Variants in GNAT2 observed in about 807,000 individuals in gnomAD.
The protein encoded by GNAT2 is G protein subunit alpha transducin 2, also known as guanine nucleotide-binding protein G(t) subunit alpha-2.
A neutral mutation model predicts 40.9 loss-of-function variants in GNAT2; 32 were observed. That is an observed-to-expected ratio of 0.78 (90% confidence interval 0.59 to 1.05). The LOEUF is 1.05. Among genes scored for constraint, GNAT2 ranks in the 50% least tolerant of loss-of-function variants. The pLI is 0.00. For synonymous variants in GNAT2, 141 were observed against 157.2 expected (o/e 0.90, Z 0.77); for missense variants, 355 against 431.5 (o/e 0.82, Z 1.57).
chr1:109,613,699 G>A (rs1328982410), intron 1 of GNAT2: 1 of 152,348 alleles, frequency 6.6e-6, no homozygotes, highest in Non-Finnish European at 1.5e-5. Context: ...GGATCAAAAG[G>A]TTTGGTGAAT....
intron 7 of GNAT2, 55 bp downstream of exon 7, chr1:109,605,915 A>C (rs977295051): frequency 1.3e-6 from 2 of 1,548,918 alleles, no homozygotes; most frequent in Non-Finnish European, 1.8e-6. Context: ...GCTTAGAGAA[A>C]GGGTCATGGG....
chr1:109,617,658 G>C (rs1166941878), intron 1 of GNAT2: 1 of 152,252 alleles, frequency 6.6e-6, no homozygotes, highest in Non-Finnish European at 1.5e-5. Context: ...AGTGAAGGGT[G>C]TGTTGCAGAT....
At chr1:109,609,718 C>G (rs1649732971) in intron 4 of GNAT2, 1 of 378,836 alleles carries the variant, frequency 2.6e-6, no homozygotes, top group African/African-American at 2.1e-5. Context: ...TGTAGTCAAG[C>G]AGCCCAATGC....
chr1:109,603,265 T>C lies in GNAT2; in HGVS notation c.*89A>G, dbSNP rs746251125. The C allele has an allele frequency of 9.2e-5, 69 of 749,044 alleles. No individual in the cohort carries two copies. The highest frequency in any genetic ancestry group is 1.6e-4 in the Non-Finnish European group (65 of 411,378). 46.4% of individuals were successfully genotyped at this position (749,044 alleles called of 1,614,324 possible). Reference sequence around the variant, plus strand: ...CTCCAAAGAATGGATTCATTCTTCATGTCATGGTATATTGACTATAATTTT... The same window carrying C: ...CTCCAAAGAATGGATTCATTCTTCACGTCATGGTATATTGACTATAATTTT... On this transcript the variant is annotated 3_prime_UTR_variant, in exon 9 of 9. Coordinates refer to ENST00000679935, the MANE Select transcript of GNAT2 (RefSeq NM_001377295.2).
At chr1:109,618,738 T>C (rs374615238) in intron 1 of GNAT2, among the ~76,000 whole-genome samples, 1 of 152,218 alleles carries the variant, frequency 6.6e-6, no homozygotes, top group Admixed American at 6.5e-5. Flanking sequence ...TGTTCTCTTT[T>C]TAGTTTTATG....
At chr1:109,615,654 T>C (rs923998958) in intron 1 of GNAT2, 3 of 103,156 alleles carry the variant, frequency 2.9e-5, no homozygotes, top group Non-Finnish European at 4.3e-5. Context: ...AAGCCCAGCA[T>C]GGTGGCATGC....
intron 1 of GNAT2, chr1:109,613,328 T>G (rs1349907674): frequency 2.8e-5 from 7 of 247,924 alleles, no homozygotes; most frequent in South Asian, 2.0e-4. Context: ...CTGGCACATA[T>G]GTAGAAAGCA....
At chr1:109,607,432 C>CA (rs1410104507) in intron 5 of GNAT2, 1 of 140,870 alleles carries the variant, frequency 7.1e-6, no homozygotes, top group Non-Finnish European at 1.5e-5. Context: ...GCCTGGGTGA[C>CA]AAAGCGAGAC....
intron 4 of GNAT2, 191 bp downstream of exon 4, chr1:109,609,848 TA>T (rs774653989): frequency 3.4e-5 from 22 of 649,472 alleles, no homozygotes; most frequent in Non-Finnish European, 5.6e-5. Flanking sequence ...CTTAAGGTCT[TA>T]CTGCGTAGAT....
At chr1:109,606,652 G>T in intron 5 of GNAT2, 1 of 527,764 alleles carries the variant, frequency 1.9e-6, no homozygotes, top group Non-Finnish European at 3.4e-6. Context: ...TTTGAGGCTG[G>T]AGTTCCAGCG....
intron 6 of GNAT2, 99 bp from the exon 7 acceptor site, chr1:109,606,198 G>A (rs1649588312): frequency 1.9e-6 from 3 of 1,569,152 alleles, no homozygotes; most frequent in Non-Finnish European, 2.6e-6. Context: ...AGGGGGAGAA[G>A]CAGAACAGTA....
At chr1:109,611,712 T>C (rs1451305768) in intron 2 of GNAT2, 5 of 152,162 alleles carry the variant, frequency 3.3e-5, no homozygotes, top group African/African-American at 9.7e-5. Context: ...ATCCTGAATG[T>C]AGAAGAAATC....
Position 109,606,232 on chromosome 1 carries a change from G to A in GNAT2, c.590+76C>T, listed in dbSNP as rs1488320322. 9 of 1,572,538 alleles carry A rather than the reference G, an allele frequency of 5.7e-6. No homozygotes were observed. In the East Asian group the frequency reaches 1.8e-4, roughly 31 times the overall value. The stretch of plus-strand genomic sequence containing the variant: ...TAATTTAGATTAGGCTTCACCAAAG[G>A]CCAAGAAGCCTGCCTGTGCCCCTTT... On this transcript the variant is annotated intron_variant, in intron 6 of 8. Transcript: ENST00000679935.
chr1:109,612,944 A>G, intron 1 of GNAT2, 21 bp from the exon 2 acceptor site: 2 of 1,046,392 alleles, frequency 1.9e-6, no homozygotes, highest in South Asian at 1.3e-5. Flanking sequence ...GATGGAAGAG[A>G]AGGAAAAAAG....
In GNAT2 at chr1:109,604,304, C is replaced by A. The variant is rs1649528332; in HGVS notation, c.721-200G>T. On this transcript the variant is annotated intron_variant, in intron 7 of 8. Coordinates refer to ENST00000679935, the MANE Select transcript of GNAT2 (RefSeq NM_001377295.2). ...CCCTATCTTTCTAATAGCTGTGTGA[C>A]TTGTGGAAAATTATTGAGCTTTTTC... The A allele has an allele frequency of 5.1e-6, 3 of 592,500 alleles. No homozygotes were observed. The Admixed American group carries it at 8.6e-5, about 17-fold the overall frequency. 36.7% of individuals were successfully genotyped at this position (592,500 alleles called of 1,614,324 possible).
rs1557918911 is a variant in GNAT2, at chr1:109,606,394, G to GA, written c.503dup (p.Ser170Ter). 1 of 1,611,164 alleles carries GA rather than the reference G, an allele frequency of 6.2e-7. No homozygotes were observed. Among genetic ancestry groups the GA allele is most frequent in the Non-Finnish European group, 8.5e-7 (1 of 1,177,314 alleles). ...ATCGGAGCACATCTTGCTCACTAGGGAGGTACTCAGGGTCTGTAATTCGTT... is the reference window on the plus strand; with the variant it reads ...ATCGGAGCACATCTTGCTCACTAGGGAAGGTACTCAGGGTCTGTAATTCGTT... On this transcript the variant is annotated frameshift_variant, in exon 6 of 9. Transcript: ENST00000679935. LOFTEE classifies it high-confidence loss of function.
chr1:109,608,509 G>T (rs1434247156), intron 5 of GNAT2, 122 bp downstream of exon 5: 21 of 876,090 alleles, frequency 2.4e-5, no homozygotes, highest in Non-Finnish European at 4.1e-5. Flanking sequence ...GCTGAATTCA[G>T]TCTGGGTCTC....
At position 109,606,352 on chromosome 1, in the gene GNAT2, C is replaced by A. The variant is rs1799875; in HGVS notation, c.546G>T (p.Thr182=). 6.2e-7 allele frequency: 1 copy of A among 1,612,014 alleles called. No homozygotes were observed. The highest frequency in any genetic ancestry group is 8.5e-7 in the Non-Finnish European group (1 of 1,178,272). The change falls in exon 6 of 9, where the codon ACG becomes ACT. Residue 182 remains threonine, a synonymous_variant. Transcript: ENST00000679935. ...CGGAAAACTTGGTTTCAATGATGCCCGTGGTTTTGACTCTGGATCGGAGCA... is the reference window on the plus strand; with the variant it reads ...CGGAAAACTTGGTTTCAATGATGCCAGTGGTTTTGACTCTGGATCGGAGCA... ...QDVLRSRVKT[T]GIIETKFSVK...
At chr1:109,610,751 G>T (rs1649769282) in intron 2 of GNAT2, 2 of 584,152 alleles carry the variant, frequency 3.4e-6, no homozygotes, top group African/African-American at 3.7e-5. Context: ...AGGATGTTCA[G>T]CAGCATTCCT....
Sources: gnomAD v4.1 joint callset for allele counts (sites outside exome capture counted in the v4.1 genomes callset) on GRCh38, gnomAD v4.1.1 for gene constraint, MANE v1.5 for transcripts, NCBI Gene and HGNC (gene_info 2026-07-23, HGNC 2026-07-21) for gene names.